The following PPM1H variants were observed in gnomAD, a reference collection of about 807,000 sequenced individuals.
PPM1H encodes protein phosphatase 1H.
Under a neutral mutation model 54.9 loss-of-function variants are expected in PPM1H, and 27 were observed. The ratio of observed to expected loss-of-function variants is 0.49; its 90% CI spans 0.36 to 0.68. The LOEUF (loss-of-function observed/expected upper bound fraction) is 0.68, where lower values mean the gene tolerates loss of function less well. Among genes scored for constraint, PPM1H ranks in the 30% least tolerant of loss-of-function variants. The probability of loss-of-function intolerance (pLI) is 0.00; values close to 1 mark genes in which losing one functional copy is unlikely to be tolerated. For missense variants in PPM1H, 596 were observed against 667.8 expected (o/e 0.89, Z 1.19); for synonymous variants, 305 against 270.8 (o/e 1.13, Z -1.24).
intron 4 of PPM1H, among the ~76,000 whole-genome samples, chr12:62,741,631 T>C (rs1395763369): frequency 6.6e-6 from 1 of 152,166 alleles, no homozygotes; most frequent in Non-Finnish European, 1.5e-5. Context: ...ATGCCCCTTC[T>C]CTGTGACCCC....
chr12:62,804,280 G>A (rs527311304), intron 2 of PPM1H, among the ~76,000 whole-genome samples: 1 of 150,752 alleles, frequency 6.6e-6, no homozygotes, highest in South Asian at 2.1e-4. Flanking sequence ...CTTGAATCGA[G>A]GAGAAGGAGG....
Position 62,844,275 on chromosome 12 carries a change from A to G in PPM1H, c.246-11996T>C, listed in dbSNP as rs568474608. On this transcript the variant is annotated intron_variant, in intron 1 of 9. Transcript: ENST00000228705. This position sits in a 1 kb window ranked among gnomAD's most constrained non-coding sequence, Gnocchi z 5.2. ...GGTTCAGCACTTTCTGTACAAAGCC[A>G]GTATGTAACATTACAGTGATTTGCT... is the stretch of plus-strand genomic sequence containing the variant. Among the ~76,000 whole-genome samples, 6 of 152,352 alleles carry G rather than the reference A, an allele frequency of 3.9e-5. No individual in the cohort carries two copies. Among genetic ancestry groups the G allele is most frequent in the African/African-American group, 1.4e-4 (6 of 41,586 alleles).
chr12:62,694,649 A>C (rs2076103807), intron 6 of PPM1H, among the ~76,000 whole-genome samples: 1 of 152,212 alleles, frequency 6.6e-6, no homozygotes, highest in Non-Finnish European at 1.5e-5. Flanking sequence ...GCTGATGAAG[A>C]CCATGTCTTG....
At chr12:62,702,544 CAGAGAG>C (rs66497730) in intron 6 of PPM1H, among the ~76,000 whole-genome samples, 1,440 of 140,730 alleles carry the variant, frequency 0.01, 10 homozygotes, top group East Asian at 0.029. Flanking sequence ...CCTTGAGCTA[CAGAGAG>C]AGAGAGAGAG....
intron 8 of PPM1H, among the ~76,000 whole-genome samples, chr12:62,685,919 T>C (rs1028563657): frequency 1.3e-5 from 2 of 152,242 alleles, no homozygotes; most frequent in Non-Finnish European, 2.9e-5. Flanking sequence ...AAACTTGGTA[T>C]GTTGTCTCAC....
intron 1 of PPM1H, among the ~76,000 whole-genome samples, chr12:62,833,612 T>G (rs535279378): frequency 1.3e-5 from 2 of 152,232 alleles, no homozygotes; most frequent in East Asian, 3.9e-4. Flanking sequence ...AACACACACA[T>G]GCCACAACCA....
intron 6 of PPM1H, among the ~76,000 whole-genome samples, chr12:62,705,363 T>C (rs2076167259): frequency 6.6e-6 from 1 of 152,222 alleles, no homozygotes; most frequent in South Asian, 2.1e-4. Flanking sequence ...TTCTATTGGA[T>C]TCATTTGCAA....
chr12:62,843,270 T>C (rs1868823646), intron 1 of PPM1H, among the ~76,000 whole-genome samples: 1 of 152,182 alleles, frequency 6.6e-6, no homozygotes, highest in Non-Finnish European at 1.5e-5. Context: ...TGAGCCGAGA[T>C]GGCGCCACTG....
At chr12:62,881,448 AG>A (rs904822786) in intron 1 of PPM1H, among the ~76,000 whole-genome samples, 10 of 152,012 alleles carry the variant, frequency 6.6e-5, no homozygotes, top group South Asian at 2.1e-4. Context: ...AGGAAGGGGG[AG>A]GGGGGAAGAA....
rs1002602417 is a variant in PPM1H at position 62,644,678 on chromosome 12, G to A, written c.*3811C>T. ...GAAAAATCCCAGTGTACAAACATGT[G>A]CCACGTCACCACACAAAACCAAAGT... On this transcript the variant is annotated 3_prime_UTR_variant, in exon 10 of 10. Transcript: ENST00000228705. The A allele has an allele frequency of 6.6e-6, 1 of 152,220 alleles. No individual in the cohort carries two copies. Among genetic ancestry groups the A allele is most frequent in the Admixed American group, 6.5e-5 (1 of 15,278 alleles). The allele number at this position is 152,220 out of a possible 1,614,324, so 9.4% of individuals were successfully genotyped here.
rs1532394 is a variant in PPM1H, at chr12:62,645,899, G to T, written c.*2590C>A. On this transcript the variant is annotated 3_prime_UTR_variant, in exon 10 of 10. Coordinates refer to ENST00000228705, the MANE Select transcript of PPM1H (RefSeq NM_020700.2). Reference sequence around the variant, plus strand: ...TTGACTTTTCCAGGGATGCACCAGGGGCCAACCCGTTATGTAGACACGGTT... The same window carrying T: ...TTGACTTTTCCAGGGATGCACCAGGTGCCAACCCGTTATGTAGACACGGTT... The T allele has an allele frequency of 1.3e-5, 2 of 152,024 alleles. No individual in the cohort carries two copies. The highest frequency in any genetic ancestry group is 4.8e-5 in the African/African-American group (2 of 41,358). 9.4% of individuals were successfully genotyped at this position (152,024 alleles called of 1,614,324 possible).
Position 62,654,420 on chromosome 12 carries a change from G to A in PPM1H, c.1398-5784C>T, listed in dbSNP as rs537705129. On this transcript the variant is annotated intron_variant, in intron 9 of 9. Transcript: ENST00000228705. ...GTACTTCAGTAAGCACACTGCATAT[G>A]CAGCCCCTCCCAACTGTTGGCAGGC... Among the ~76,000 whole-genome samples the A allele has an allele frequency of 7.2e-5, 11 of 152,244 alleles. No homozygotes were observed. The South Asian group carries it at 8.3e-4, about 12-fold the overall frequency.
chr12:62,665,543 T>C (rs992509021), intron 9 of PPM1H, among the ~76,000 whole-genome samples: 2 of 152,234 alleles, frequency 1.3e-5, no homozygotes, highest in African/African-American at 4.8e-5. Flanking sequence ...TCTCTTTGTC[T>C]AAGCCATCTA....
intron 6 of PPM1H, among the ~76,000 whole-genome samples, chr12:62,705,259 C>T: frequency 6.6e-6 from 1 of 152,234 alleles, no homozygotes; most frequent in East Asian, 1.9e-4. Context: ...GAATGGGTCC[C>T]TACCCACAGC....
At chr12:62,896,249 G>A (rs1302493527) in intron 1 of PPM1H, among the ~76,000 whole-genome samples, 1 of 152,138 alleles carries the variant, frequency 6.6e-6, no homozygotes, top group African/African-American at 2.4e-5. Flanking sequence ...ATAGACAAAT[G>A]GGATCTAAGT....
intron 1 of PPM1H, among the ~76,000 whole-genome samples, chr12:62,845,686 T>C (rs1868939822): frequency 6.6e-6 from 1 of 152,170 alleles, no homozygotes; most frequent in Non-Finnish European, 1.5e-5. Context: ...ATCGTCTCTA[T>C]TCCCAAGGCT....
At chr12:62,775,403 CTTGT>C (rs1220403698) in intron 4 of PPM1H, among the ~76,000 whole-genome samples, 2 of 152,164 alleles carry the variant, frequency 1.3e-5, no homozygotes, top group Non-Finnish European at 2.9e-5. Context: ...GCAGCTCTAC[CTTGT>C]TTGTTTATAC....
chr12:62,804,132 T>G (rs999689411), intron 2 of PPM1H, among the ~76,000 whole-genome samples: 2 of 152,194 alleles, frequency 1.3e-5, no homozygotes, highest in Non-Finnish European at 2.9e-5. Context: ...CTCTCACTAC[T>G]TCTATTCAAT....
chr12:62,661,633 G>T (rs553038652), intron 9 of PPM1H, among the ~76,000 whole-genome samples: 1 of 152,310 alleles, frequency 6.6e-6, no homozygotes, highest in South Asian at 2.1e-4. Context: ...TTGGCCTCAA[G>T]GGATCCGCCT....
Sources: allele counts gnomAD v4.1 joint callset (sites outside exome capture counted in the v4.1 genomes callset), GRCh38; gene constraint gnomAD v4.1.1; non-coding constraint Gnocchi (gnomAD v3.1); transcripts MANE v1.5; gene names NCBI Gene and HGNC (gene_info 2026-07-23, HGNC 2026-07-21).